SUPT6H: variants seen among roughly 807,000 people sequenced by gnomAD.
SUPT6H encodes the protein transcription elongation factor SPT6.
SUPT6H carries 11 observed loss-of-function variants against 222.3 expected under a neutral mutation model. That is an observed-to-expected ratio of 0.05 (90% CI 0.03 to 0.08). The LOEUF (loss-of-function observed/expected upper bound fraction) is 0.08. Among genes scored for constraint, SUPT6H ranks in the 10% least tolerant of loss-of-function variants. SUPT6H has a pLI of 1.00. For synonymous variants in SUPT6H, 762 were observed against 801.2 expected, an observed-to-expected ratio of 0.95 and a Z score of 0.83; for missense variants, 1,422 against 2,216.0, an observed-to-expected ratio of 0.64 and a Z score of 7.19.
chr17:28,677,821 A>G lies in SUPT6H; in HGVS notation c.999+5A>G. 2.5e-6 allele frequency: 4 copies of G among 1,613,106 alleles called. No homozygotes were observed. Among genetic ancestry groups the G allele is most frequent in the Non-Finnish European group, 3.4e-6 (4 of 1,179,138 alleles). On this transcript the variant is annotated splice_donor_5th_base_variant and intron_variant, in intron 8 of 36. Transcript: ENST00000314616. ...ACACCAACCATTTCTCTCCAGGTAC[A>G]CAAAAAAGATCCTTAGGTTTTGACA...
intron 12 of SUPT6H, among the ~76,000 whole-genome samples, chr17:28,681,654 A>T (rs1031894664): frequency 1.3e-5 from 2 of 151,516 alleles, no homozygotes; most frequent in Non-Finnish European, 2.9e-5. Context: ...CAGTTGTTGC[A>T]GTGAGTTGAG....
intron 28 of SUPT6H, among the ~76,000 whole-genome samples, chr17:28,694,402 T>C (rs1399026357): frequency 1.3e-5 from 2 of 152,196 alleles, no homozygotes; most frequent in African/African-American, 4.8e-5. Context: ...GTCTCTAATC[T>C]CACATGCTGA....
chr17:28,698,127 G>A (rs1038218846), intron 32 of SUPT6H, 97 bp downstream of exon 32: 1 of 1,449,956 alleles, frequency 6.9e-7, no homozygotes, highest in Admixed American at 2.4e-5. Flanking sequence ...GGCTCTGCTG[G>A]ACTGCCTTTC....
chr17:28,700,566 C>G, intron 35 of SUPT6H, 54 bp downstream of exon 35: 1 of 1,579,624 alleles, frequency 6.3e-7, no homozygotes. Flanking sequence ...ATAGACTGCC[C>G]TCTCGCATTG....
rs368318832 is a variant in SUPT6H at position 28,690,084 on chromosome 17, C to T, written c.3345C>T (p.Gly1115=). Residue 1115 remains glycine, a splice_region_variant and synonymous_variant, in exon 26 of 37, where the codon GGC becomes GGT. Transcript: ENST00000314616. ...TTCTTGATGGGCTTCTTCCCCAGGG[C>T]TATGGTGACAAACACATCACACTCT... ...DAFAEELERQ[G]YGDKHITLYD... 31 of 1,610,618 alleles carry T rather than the reference C, an allele frequency of 1.9e-5. No individual in the cohort carries two copies. The African/African-American group carries it at 2.9e-4, about 15-fold the overall frequency.
At chr17:28,701,154 G>A (rs1361243092) in intron 36 of SUPT6H, 26 bp downstream of exon 36, 1 of 1,588,422 alleles carries the variant, frequency 6.3e-7, no homozygotes, top group South Asian at 1.1e-5. Flanking sequence ...GTGGCACAGT[G>A]CAGGTCAGTG....
chr17:28,673,706 T>C, intron 2 of SUPT6H, 196 bp downstream of exon 2: 1 of 557,802 alleles, frequency 1.8e-6, no homozygotes, highest in East Asian at 3.0e-5. Context: ...GAACTAGAAA[T>C]ATAAAACAAT....
intron 1 of SUPT6H, among the ~76,000 whole-genome samples, chr17:28,668,534 C>T (rs1360027348): frequency 6.6e-6 from 1 of 152,110 alleles, no homozygotes; most frequent in Non-Finnish European, 1.5e-5. Flanking sequence ...CTAACCTAGG[C>T]GATGGGAAGA....
chr17:28,697,105 C>T, intron 30 of SUPT6H, 23 bp downstream of exon 30: 1 of 1,603,688 alleles, frequency 6.2e-7, no homozygotes, highest in Non-Finnish European at 8.5e-7. Context: ...GCCTGCCCAC[C>T]TCCCATCCCA....
At chr17:28,693,560 C>CT in intron 27 of SUPT6H, 136 bp from the exon 28 acceptor site, 1 of 1,056,382 alleles carries the variant, frequency 9.5e-7, no homozygotes, top group African/African-American at 1.6e-5. Context: ...TGGCAGATGA[C>CT]TAAGTCATTG....
At chr17:28,686,626 A>G in intron 20 of SUPT6H, 28 bp from the exon 21 acceptor site, 2 of 1,560,512 alleles carry the variant, frequency 1.3e-6, no homozygotes, top group Non-Finnish European at 1.7e-6. Flanking sequence ...AAGAAAACAT[A>G]TTCATTGACC....
chr17:28,697,475 T>C lies in SUPT6H; in HGVS notation c.4210-145T>C, dbSNP rs537758152. 53 of 660,190 alleles carry C rather than the reference T, an allele frequency of 8.0e-5. 1 individual carries two copies. The Admixed American group carries it at 1.4e-3, about 18-fold the overall frequency. 40.9% of individuals were successfully genotyped at this position (660,190 alleles called of 1,614,324 possible). On this transcript the variant is annotated intron_variant, in intron 30 of 36. Coordinates refer to ENST00000314616, the MANE Select transcript of SUPT6H (RefSeq NM_003170.5). ...TTTATGCCCTGTGAGCTAATATATC[T>C]GGACATGACACAGATGGATAAACTG... is the stretch of plus-strand genomic sequence containing the variant.
At chr17:28,689,625 C>G in intron 25 of SUPT6H, 64 bp downstream of exon 25, 2 of 1,498,580 alleles carry the variant, frequency 1.3e-6, no homozygotes, top group Non-Finnish European at 1.9e-6. Context: ...TGGTAGGAGA[C>G]TTGGGCAGTG....
At position 28,678,932 on chromosome 17, in the gene SUPT6H, A is replaced by G. The variant is rs182314940; in HGVS notation, c.1318A>G (p.Ile440Val). Residue 440 changes from isoleucine (I) to valine (V), a missense_variant, in exon 11 of 37, where the codon ATC becomes GTC. By Grantham distance (29) the Ile-to-Val change is conservative (BLOSUM62 3). This residue lies in a region of SUPT6H where 389 missense variants were observed against 544.6 expected (regional missense o/e 0.71). Transcript: ENST00000314616. Reference sequence around the variant, plus strand: ...CCCTGACAAACCTCTTGCTGATGGCATCCGGGCTCTGGACACCACTGACAT... The same window carrying G: ...CCCTGACAAACCTCTTGCTGATGGCGTCCGGGCTCTGGACACCACTGACAT... ...ADPDKPLADG[I>V]RALDTTDMER... is the part of the protein sequence containing the mutation. The G allele has an allele frequency of 6.2e-7, 1 of 1,614,224 alleles. No homozygotes were observed. Among genetic ancestry groups the G allele is most frequent in the African/African-American group, 1.3e-5 (1 of 75,054 alleles).
chr17:28,697,548 T>C, intron 30 of SUPT6H, 72 bp from the exon 31 acceptor site: 1 of 1,303,440 alleles, frequency 7.7e-7, no homozygotes, highest in Non-Finnish European at 1.1e-6. Context: ...CCATGGTTTT[T>C]CTTCTGGATG....
At chr17:28,700,051 C>T in intron 33 of SUPT6H, 122 bp from the exon 34 acceptor site, 1 of 1,467,438 alleles carries the variant, frequency 6.8e-7, no homozygotes, top group Non-Finnish European at 9.5e-7. Flanking sequence ...GGTTCTCCAT[C>T]CACTGTGCCT....
chr17:28,686,942 T>C (rs866714946), intron 21 of SUPT6H, 146 bp from the exon 22 acceptor site: 27 of 1,483,562 alleles, frequency 1.8e-5, no homozygotes, highest in Middle Eastern at 4.3e-4. Context: ...ACGGTTCAGA[T>C]TGGGAGTCCC....
intron 6 of SUPT6H, 39 bp from the exon 7 acceptor site, chr17:28,676,118 C>T (rs2030732180): frequency 6.5e-7 from 1 of 1,547,548 alleles, no homozygotes; most frequent in South Asian, 1.3e-5. Flanking sequence ...TCTCCTCTCA[C>T]CTGAACCTGA....
chr17:28,697,889 C>A lies in SUPT6H; in HGVS notation c.4324-17C>A, dbSNP rs375452027. ...GCATGCTGCTATCCCAACCTCTCCC[C>A]CTCATTCTACCCCCAGAAATTAGAG... On this transcript the variant is annotated splice_polypyrimidine_tract_variant and intron_variant, in intron 31 of 36. Transcript: ENST00000314616. The A allele has an allele frequency of 2.5e-6, 4 of 1,613,292 alleles. No homozygotes were observed. The highest frequency in any genetic ancestry group is 3.4e-6 in the Non-Finnish European group (4 of 1,179,582).
Sources: gnomAD v4.1 joint callset for allele counts (sites outside exome capture counted in the v4.1 genomes callset) on GRCh38, gnomAD v4.1.1 for gene constraint, gnomAD v4.1.1 regional missense constraint, MANE v1.5 for transcripts, NCBI Gene and HGNC (gene_info 2026-07-23, HGNC 2026-07-21) for gene names.